Variants in WDR70 observed in about 807,000 individuals in gnomAD.
WDR70 encodes the protein WD repeat domain 70.
WDR70 carries 53 observed loss-of-function variants against 88.6 expected under a neutral mutation model. The ratio of observed to expected loss-of-function variants is 0.60; its 90% CI spans 0.48 to 0.75. WDR70 has a LOEUF of 0.75. WDR70 is among the 30% of genes least tolerant of loss of function. The pLI is 0.00. For synonymous variants in WDR70, 280 were observed against 270.0 expected (o/e 1.04, Z -0.36); for missense variants, 610 against 823.2 (o/e 0.74, Z 3.17).
intron 9 of WDR70, among the ~76,000 whole-genome samples, chr5:37,545,781 C>T (rs1364566370): frequency 2.6e-5 from 4 of 152,080 alleles, no homozygotes; most frequent in Admixed American, 6.5e-5. Flanking sequence ...GCCTTGGCCT[C>T]GCAAAGTGCT....
At chr5:37,510,170 C>A (rs1353545908) in intron 8 of WDR70, among the ~76,000 whole-genome samples, 1 of 151,848 alleles carries the variant, frequency 6.6e-6, no homozygotes, top group Non-Finnish European at 1.5e-5. Context: ...TGTAAAGCTT[C>A]TTTATACTTC....
intron 5 of WDR70, among the ~76,000 whole-genome samples, chr5:37,408,309 TA>T (rs1362304669): frequency 1.3e-5 from 2 of 152,098 alleles, no homozygotes; most frequent in African/African-American, 2.4e-5. Flanking sequence ...CCATCTCTAC[TA>T]AAAATATAAA....
At chr5:37,383,992 C>T (rs779771919) in intron 3 of WDR70, among the ~76,000 whole-genome samples, 18 of 152,106 alleles carry the variant, frequency 1.2e-4, no homozygotes, top group Non-Finnish European at 2.1e-4. Context: ...AGCATTACTT[C>T]GTTTCCCCTT....
At chr5:37,680,358 C>T (rs543775071) in intron 10 of WDR70, among the ~76,000 whole-genome samples, 1 of 152,128 alleles carries the variant, frequency 6.6e-6, no homozygotes, top group East Asian at 1.9e-4. Context: ...TGTCTGTTTA[C>T]TCTGTTGATA....
At chr5:37,449,263 C>A (rs1487308099) in intron 7 of WDR70, among the ~76,000 whole-genome samples, 2 of 152,092 alleles carry the variant, frequency 1.3e-5, no homozygotes, top group African/African-American at 4.8e-5. Context: ...TCCTTTCTTT[C>A]GTTTTTGGAA....
intron 10 of WDR70, among the ~76,000 whole-genome samples, chr5:37,613,411 T>A (rs1173154580): frequency 2.0e-5 from 3 of 152,164 alleles, no homozygotes; most frequent in Non-Finnish European, 1.5e-5. Context: ...GGAAGCCAGA[T>A]GCATAAATGG....
intron 10 of WDR70, among the ~76,000 whole-genome samples, chr5:37,679,627 G>T (rs1398603790): frequency 6.6e-6 from 1 of 152,228 alleles, no homozygotes; most frequent in Non-Finnish European, 1.5e-5. Flanking sequence ...CGTGTGAGGT[G>T]TCAGTCTGCC....
chr5:37,560,208 A>G (rs1481071127), intron 9 of WDR70, among the ~76,000 whole-genome samples: 2 of 152,172 alleles, frequency 1.3e-5, no homozygotes, highest in Admixed American at 6.5e-5. Context: ...TACTTTTTTT[A>G]ATGTAAATAT....
At chr5:37,582,968 C>T (rs150173306) in intron 9 of WDR70, among the ~76,000 whole-genome samples, 85 of 152,340 alleles carry the variant, frequency 5.6e-4, no homozygotes, top group South Asian at 5.0e-3. Context: ...TCCACTTGCT[C>T]TGTTGATCCT....
At chr5:37,581,422 A>C (rs1291261950) in intron 9 of WDR70, among the ~76,000 whole-genome samples, 3 of 152,208 alleles carry the variant, frequency 2.0e-5, no homozygotes, top group Non-Finnish European at 2.9e-5. Flanking sequence ...GACTTGTTCA[A>C]TATCACCAGT....
intron 9 of WDR70, among the ~76,000 whole-genome samples, chr5:37,544,422 A>C (rs1268325017): frequency 6.6e-6 from 1 of 152,226 alleles, no homozygotes; most frequent in Non-Finnish European, 1.5e-5. Flanking sequence ...GTTCTTAGGA[A>C]TACACTTGGA....
At chr5:37,729,366 A>G (rs377073863) in intron 17 of WDR70, among the ~76,000 whole-genome samples, 13 of 152,230 alleles carry the variant, frequency 8.5e-5, no homozygotes, top group African/African-American at 3.1e-4. Context: ...TAAGCTACCC[A>G]TCTACACACA....
chr5:37,583,286 C>T (rs542369523), intron 9 of WDR70, among the ~76,000 whole-genome samples: 3 of 151,992 alleles, frequency 2.0e-5, no homozygotes, highest in East Asian at 3.9e-4. Context: ...GTTAGCCAGG[C>T]GTGGTGGCGG....
At chr5:37,523,700 C>T (rs373659104) in intron 9 of WDR70, among the ~76,000 whole-genome samples, 29 of 152,222 alleles carry the variant, frequency 1.9e-4, no homozygotes, top group East Asian at 7.7e-4. Flanking sequence ...GGAGGAAGTT[C>T]GAACTCACCG....
chr5:37,431,750 T>C (rs910148854), intron 5 of WDR70, among the ~76,000 whole-genome samples: 3 of 152,222 alleles, frequency 2.0e-5, no homozygotes, highest in African/African-American at 7.2e-5. Context: ...GCAACCATTC[T>C]GCTTTCTATC....
chr5:37,726,146 C>T (rs775992579), intron 16 of WDR70, among the ~76,000 whole-genome samples: 11 of 152,176 alleles, frequency 7.2e-5, no homozygotes, highest in Non-Finnish European at 1.6e-4. Context: ...CCACCTGAGC[C>T]TGAAGTGCTA....
chr5:37,480,755 A>G (rs1455723468), intron 8 of WDR70, among the ~76,000 whole-genome samples: 1 of 152,156 alleles, frequency 6.6e-6, no homozygotes, highest in African/African-American at 2.4e-5. Flanking sequence ...ATGTCCTCAC[A>G]TTTCAAAACC....
chr5:37,641,759 C>T (rs1745109630), intron 10 of WDR70, among the ~76,000 whole-genome samples: 1 of 152,100 alleles, frequency 6.6e-6, no homozygotes, highest in South Asian at 2.1e-4. Context: ...CCAGCCTATC[C>T]TGGCCTAATA....
chr5:37,475,250 T>G (rs1739444093), intron 7 of WDR70, among the ~76,000 whole-genome samples: 1 of 151,670 alleles, frequency 6.6e-6, no homozygotes, highest in Non-Finnish European at 1.5e-5. Context: ...TTGTTTTGTT[T>G]TTTAAATGGA....
Sources: allele counts gnomAD v4.1 joint callset (sites outside exome capture counted in the v4.1 genomes callset), GRCh38; gene constraint gnomAD v4.1.1; transcripts MANE v1.5; gene names NCBI Gene and HGNC (gene_info 2026-07-23, HGNC 2026-07-21).